Variants in CHKA observed in about 807,000 individuals in gnomAD.
CHKA encodes choline kinase alpha, also known as CHETK-alpha.
In CHKA, 34 loss-of-function variants were observed where a neutral mutation model predicts 60.1. The ratio of observed to expected loss-of-function variants is 0.57; its 90% CI spans 0.43 to 0.75. The LOEUF (loss-of-function observed/expected upper bound fraction) is 0.75. CHKA is among the 30% of genes least tolerant of loss of function. CHKA has a pLI of 0.00. For synonymous variants in CHKA, 217 were observed against 223.1 expected, an observed-to-expected ratio of 0.97 and a Z score of 0.24; for missense variants, 563 against 561.3, an observed-to-expected ratio of 1.00 and a Z score of -0.03.
At chr11:68,092,303 T>C (rs974343780) in intron 2 of CHKA, among the ~76,000 whole-genome samples, 20 of 152,224 alleles carry the variant, frequency 1.3e-4, no homozygotes, top group African/African-American at 4.8e-4. Context: ...CAATTTATCA[T>C]AAATTCTGGC....
intron 10 of CHKA, among the ~76,000 whole-genome samples, chr11:68,063,126 A>T (rs745921590): frequency 6.6e-6 from 1 of 152,234 alleles, no homozygotes; most frequent in African/African-American, 2.4e-5. Context: ...ACCGATAAAC[A>T]TAAGTTTAAT....
At chr11:68,061,093 C>G (rs1856221373) in intron 11 of CHKA, among the ~76,000 whole-genome samples, 1 of 129,414 alleles carries the variant, frequency 7.7e-6, no homozygotes, top group Non-Finnish European at 1.6e-5. Context: ...ATGTCAGTGA[C>G]AGTTTTTTTT....
At chr11:68,109,590 C>A (rs1162634581) in intron 1 of CHKA, among the ~76,000 whole-genome samples, 1 of 152,154 alleles carries the variant, frequency 6.6e-6, no homozygotes, top group African/African-American at 2.4e-5. Flanking sequence ...GGGTAAAGTT[C>A]ACAGTCTAGG....
In CHKA at chr11:68,065,717, G is replaced by T. The variant is rs1856419675; in HGVS notation, c.1125+69C>A. 2.8e-6 allele frequency: 3 copies of T among 1,078,764 alleles called. No homozygotes were observed. In the Admixed American group the frequency reaches 5.5e-5, roughly 20 times the overall value. 66.8% of individuals were successfully genotyped at this position (1,078,764 alleles called of 1,614,324 possible). A position where few individuals can be genotyped will look rare whatever the true frequency, so the allele number is the denominator to read the frequency against. On this transcript the variant is annotated intron_variant, in intron 9 of 11. Transcript: ENST00000265689. The stretch of plus-strand genomic sequence containing the variant: ...CCCTGCCTCAAAAAATAAAAAAGAA[G>T]ATGTAATTCTAACTGCATGAAATTG...
intron 1 of CHKA, among the ~76,000 whole-genome samples, chr11:68,102,137 A>G (rs1256719953): frequency 6.6e-6 from 1 of 151,952 alleles, no homozygotes; most frequent in Non-Finnish European, 1.5e-5. Flanking sequence ...CATACTACCC[A>G]AAGCAATCTA....
chr11:68,057,980 C>T (rs991711922), intron 11 of CHKA, among the ~76,000 whole-genome samples: 1 of 152,146 alleles, frequency 6.6e-6, no homozygotes, highest in South Asian at 2.1e-4. Flanking sequence ...CCCCTGACTT[C>T]CCAGGCTAAA....
intron 11 of CHKA, among the ~76,000 whole-genome samples, chr11:68,058,559 T>C (rs777251934): frequency 4.6e-5 from 7 of 152,258 alleles, no homozygotes; most frequent in Non-Finnish European, 1.0e-4. Flanking sequence ...TACAGTTGTT[T>C]CTACCATGTA....
In CHKA at chr11:68,065,812, G is replaced by A. The variant is rs186951601; in HGVS notation, c.1099C>T (p.Arg367Trp). 146 of 1,600,766 alleles carry A rather than the reference G, an allele frequency of 9.1e-5. 1 individual carries two copies. The highest frequency in any genetic ancestry group is 6.7e-4 in the Middle Eastern group (4 of 6,006). ...EKYPFFRANIRKYPTKKQQLH... is the reference protein window; with the variant it reads ...EKYPFFRANIWKYPTKKQQLH... ...TGTTGTTTCTTGGTGGGATACTTCC[G>A]GATGTTTGCTCTGAAAAAAGGGTAT... Residue 367 changes from arginine (R) to tryptophan (W), a missense_variant, in exon 9 of 12, where the codon CGG becomes TGG. By Grantham distance (101) the Arg-to-Trp change is moderately radical. Transcript: ENST00000265689.
intron 1 of CHKA, among the ~76,000 whole-genome samples, chr11:68,102,499 C>A (rs574356001): frequency 6.6e-6 from 1 of 152,096 alleles, no homozygotes; most frequent in Non-Finnish European, 1.5e-5. Flanking sequence ...GGATATCGCA[C>A]GCACAAGAAT....
chr11:68,105,725 C>T (rs1245596316), intron 1 of CHKA, among the ~76,000 whole-genome samples: 1 of 152,016 alleles, frequency 6.6e-6, no homozygotes, highest in Admixed American at 6.6e-5. Flanking sequence ...ACCTGTAACA[C>T]AAAGATTTCC....
chr11:68,053,934 TCTG>T lies in CHKA; in HGVS notation c.*51_*53del. On this transcript the variant is annotated 3_prime_UTR_variant, in exon 12 of 12. Transcript: ENST00000265689. Reference sequence around the variant, plus strand: ...AGTCGAAGCACAGAGGGGACCCCGCTCTGCTGCCTCCCCATGCAGTCCAGTGAT... The same window carrying T: ...AGTCGAAGCACAGAGGGGACCCCGCTCTGCCTCCCCATGCAGTCCAGTGAT... The T allele has an allele frequency of 6.6e-7, 1 of 1,526,560 alleles. No homozygotes were observed. Among genetic ancestry groups the T allele is most frequent in the South Asian group, 1.1e-5 (1 of 87,732 alleles). 94.6% of individuals were successfully genotyped at this position (1,526,560 alleles called of 1,614,324 possible). A position where few individuals can be genotyped will look rare whatever the true frequency, so the allele number is the denominator to read the frequency against.
At position 68,121,031 on chromosome 11, in the gene CHKA, G is replaced by A. The variant is rs1477213426; in HGVS notation, c.147C>T (p.Gly49=). The change falls in exon 1 of 12, where the codon GGC becomes GGT. Residue 49 remains glycine (G), a synonymous_variant. Coordinates refer to ENST00000265689, the MANE Select transcript of CHKA (RefSeq NM_001277.3). ...AASDLESKQL[G]GQQPPLALPP... is the part of the protein sequence containing the mutation. The stretch of plus-strand genomic sequence containing the variant: ...GCAGCGCGAGCGGCGGCTGTTGGCC[G>A]CCCAGCTGCTTGGACTCGAGGTCGC... 7.2e-6 allele frequency: 8 copies of A among 1,106,032 alleles called. No individual in the cohort carries two copies. The East Asian group carries it at 3.6e-4, about 50-fold the overall frequency. The allele number at this position is 1,106,032 out of a possible 1,614,324, so 68.5% of individuals were successfully genotyped here. A position where few individuals can be genotyped will look rare whatever the true frequency, so the allele number is the denominator to read the frequency against.
chr11:68,100,635 AC>A (rs1277624083), intron 1 of CHKA, among the ~76,000 whole-genome samples: 1 of 151,222 alleles, frequency 6.6e-6, no homozygotes, highest in African/African-American at 2.4e-5. Context: ...ATAAATAAAT[AC>A]AAGAGCGAAA....
rs1007826149 is a variant in CHKA, at chr11:68,088,026, T to C, written c.463-6569A>G. Among the ~76,000 whole-genome samples the C allele has an allele frequency of 8.5e-5, 12 of 141,302 alleles. No homozygotes were observed. In the Admixed American group the frequency reaches 9.5e-4, roughly 11 times the overall value. The allele number at this position is 141,302 out of a possible 152,430, so 92.7% of individuals were successfully genotyped here. On this transcript the variant is annotated intron_variant, in intron 2 of 11. Transcript: ENST00000265689. ...TACTCAGGGGACTGAGGCATAAGAA[T>C]CGCTTGAACCTGAGAGGCAGAGGTT...
chr11:68,120,229 CA>C (rs148814034), intron 1 of CHKA, among the ~76,000 whole-genome samples: 48,248 of 116,176 alleles, frequency 0.42, 7,944 homozygotes, highest in Non-Finnish European at 0.45. Context: ...AACTCCGTCT[CA>C]AAAAAAAAAA....
intron 2 of CHKA, among the ~76,000 whole-genome samples, chr11:68,096,756 T>A (rs1857527928): frequency 6.6e-6 from 1 of 152,196 alleles, no homozygotes; most frequent in Non-Finnish European, 1.5e-5. Flanking sequence ...ATTGAAGATT[T>A]AACCAACATT....
At chr11:68,090,173 CAACT>C (rs1407900499) in intron 2 of CHKA, among the ~76,000 whole-genome samples, 3 of 152,176 alleles carry the variant, frequency 2.0e-5, no homozygotes, top group African/African-American at 7.2e-5. Context: ...AGTAATTTGG[CAACT>C]ATCTTGGGAG....
At chr11:68,062,093 T>C (rs1285731933) in intron 10 of CHKA, 59 bp from the exon 11 acceptor site, 1 of 1,176,130 alleles carries the variant, frequency 8.5e-7, no homozygotes. Flanking sequence ...ACAGGACTGA[T>C]GAAATGATTT....
At chr11:68,066,648 C>G in intron 7 of CHKA, 132 bp from the exon 8 acceptor site, 1 of 723,228 alleles carries the variant, frequency 1.4e-6, no homozygotes, top group Non-Finnish European at 2.4e-6. Context: ...CTGTGGACAT[C>G]ACCAGGGCCT....
Sources: gnomAD v4.1 joint callset for allele counts (sites outside exome capture counted in the v4.1 genomes callset) on GRCh38, gnomAD v4.1.1 for gene constraint, MANE v1.5 for transcripts, NCBI Gene and HGNC (gene_info 2026-07-23, HGNC 2026-07-21) for gene names.